The following ATG7 variants were observed in gnomAD, a reference collection of about 807,000 sequenced individuals.
ATG7 encodes the protein ubiquitin-like modifier-activating enzyme ATG7.
In ATG7, 70 loss-of-function variants were observed where a neutral mutation model predicts 82.4. The ratio of observed to expected loss-of-function variants is 0.85; its 90% CI spans 0.70 to 1.04. The LOEUF is 1.04. ATG7 is among the 50% of genes least tolerant of loss of function. The pLI, the probability that ATG7 is intolerant of heterozygous loss-of-function variation, is 0.00. For missense variants in ATG7, 792 were observed against 864.3 expected, an observed-to-expected ratio of 0.92 and a Z score of 1.05; for synonymous variants, 287 against 313.0, an observed-to-expected ratio of 0.92 and a Z score of 0.88.
intron 19 of ATG7, among the ~76,000 whole-genome samples, chr3:11,405,880 A>G (rs1053576279): frequency 6.6e-6 from 1 of 152,006 alleles, no homozygotes; most frequent in Non-Finnish European, 1.5e-5. Context: ...TGGCCTCCCA[A>G]AGTGCTAGGA....
At chr3:11,362,025 T>G (rs1356749701) in intron 16 of ATG7, among the ~76,000 whole-genome samples, 2 of 152,234 alleles carry the variant, frequency 1.3e-5, no homozygotes, top group African/African-American at 4.8e-5. Context: ...CATTCTCTTT[T>G]ATGGAGAAAG....
At chr3:11,499,848 C>T (rs1438339818) in intron 20 of ATG7, among the ~76,000 whole-genome samples, 4 of 152,112 alleles carry the variant, frequency 2.6e-5, no homozygotes, top group South Asian at 2.1e-4. Flanking sequence ...AGCCACAGTG[C>T]TAGCTGTTAC....
intron 19 of ATG7, among the ~76,000 whole-genome samples, chr3:11,426,270 T>G (rs1415574074): frequency 6.6e-6 from 1 of 152,244 alleles, no homozygotes; most frequent in Non-Finnish European, 1.5e-5. Flanking sequence ...TCAGTTTTCA[T>G]ATCAACTACT....
intron 9 of ATG7, among the ~76,000 whole-genome samples, chr3:11,330,975 A>G (rs1362162651): frequency 1.3e-5 from 2 of 152,162 alleles, no homozygotes; most frequent in Non-Finnish European, 2.9e-5. Flanking sequence ...AGCAATTTTC[A>G]CAGATTATAT....
At chr3:11,279,770 G>T (rs575724681) in intron 1 of ATG7, among the ~76,000 whole-genome samples, 12 of 152,292 alleles carry the variant, frequency 7.9e-5, no homozygotes, top group South Asian at 2.1e-4. Flanking sequence ...AGGAAACACT[G>T]TTGCCTCATC....
chr3:11,353,598 T>A (rs1399855245), intron 14 of ATG7, among the ~76,000 whole-genome samples: 1 of 152,148 alleles, frequency 6.6e-6, no homozygotes, highest in Non-Finnish European at 1.5e-5. Flanking sequence ...TGGAGGTGGA[T>A]CCCTCATGAA....
chr3:11,567,324 C>T, the ATG7 span, among the ~76,000 whole-genome samples: 30 of 152,188 alleles, frequency 2.0e-4, no homozygotes, highest in East Asian at 1.9e-4. Context: ...AGCCCTAAAC[C>T]GAGTATATTG....
intron 11 of ATG7, among the ~76,000 whole-genome samples, chr3:11,336,541 C>G (rs1315185486): frequency 6.6e-6 from 1 of 152,130 alleles, no homozygotes; most frequent in Non-Finnish European, 1.5e-5. Flanking sequence ...GTAAATACAA[C>G]TTCATAAAGA....
chr3:11,563,489 C>T, the ATG7 span, among the ~76,000 whole-genome samples: 3 of 152,230 alleles, frequency 2.0e-5, no homozygotes, highest in Non-Finnish European at 4.4e-5. Context: ...CTTCTCATGT[C>T]CATTTCCCCA....
intron 19 of ATG7, among the ~76,000 whole-genome samples, chr3:11,409,744 TG>T (rs1487545182): frequency 6.6e-6 from 1 of 151,532 alleles, no homozygotes; most frequent in Non-Finnish European, 1.5e-5. Context: ...AGTTATTTTT[TG>T]TGATGGGGTG....
rs1010927674 is a variant in ATG7, at chr3:11,477,037, T to C, written c.2079+50111T>C. On this transcript the variant is annotated intron_variant, in intron 20 of 20. Coordinates refer to ENST00000693202, the MANE Select transcript of ATG7 (RefSeq NM_001349232.2). Reference sequence around the variant, plus strand: ...GATGGCAGTCATTAAATGATTGTTATGCACAATGGGCACTTGATTATAATT... The same window carrying C: ...GATGGCAGTCATTAAATGATTGTTACGCACAATGGGCACTTGATTATAATT... 1.1e-5 allele frequency: 13 copies of C among 1,191,920 alleles called. No homozygotes were observed. The South Asian group carries it at 1.5e-4, about 14-fold the overall frequency. The allele number at this position is 1,191,920 out of a possible 1,614,324, so 73.8% of individuals were successfully genotyped here. A position where few individuals can be genotyped will look rare whatever the true frequency, so the allele number is the denominator to read the frequency against.
chr3:11,371,357 G>A (rs748957616), intron 18 of ATG7, among the ~76,000 whole-genome samples: 11 of 150,490 alleles, frequency 7.3e-5, no homozygotes, highest in Non-Finnish European at 1.0e-4. Flanking sequence ...GCGAGACAGC[G>A]AGTAAAGGGG....
intron 20 of ATG7, among the ~76,000 whole-genome samples, chr3:11,497,357 C>CTATATATATATGTATATATATATATA (rs1281826628): frequency 1.9e-4 from 11 of 57,320 alleles, no homozygotes; most frequent in African/African-American, 6.7e-4. Flanking sequence ...ACTAAAAATA[C>CTATATATATATGTATATATATATATA]TATATATATA....
chr3:11,434,018 A>G (rs2083147805), intron 20 of ATG7, among the ~76,000 whole-genome samples: 1 of 152,240 alleles, frequency 6.6e-6, no homozygotes, highest in South Asian at 2.1e-4. Flanking sequence ...CTCATAGCCA[A>G]AAAGTCATAT....
chr3:11,280,282 AT>A (rs1435131521), intron 1 of ATG7, among the ~76,000 whole-genome samples: 1 of 152,078 alleles, frequency 6.6e-6, no homozygotes, highest in African/African-American at 2.4e-5. Flanking sequence ...AAACAATATG[AT>A]ATTAGTCCTG....
At position 11,358,618 on chromosome 3, in the gene ATG7, C is replaced by G. The variant is rs1305660959; in HGVS notation, c.1479+6C>G. On this transcript the variant is annotated splice_donor_region_variant and intron_variant, in intron 15 of 20. Transcript: ENST00000693202. ...TTGCTGCAAGCAAGAGAAAGGTAGG[C>G]CCTGTCTCTAATTATGATTTATGAT... The G allele has an allele frequency of 6.2e-7, 1 of 1,611,110 alleles. No individual in the cohort carries two copies. The highest frequency in any genetic ancestry group is 1.7e-5 in the Admixed American group (1 of 59,848).
intron 3 of ATG7, among the ~76,000 whole-genome samples, chr3:11,286,583 C>CTTTTTTT (rs5846700): frequency 1.9e-4 from 13 of 66,952 alleles, no homozygotes; most frequent in African/African-American, 4.1e-4. Context: ...TTCTTTCTTT[C>CTTTTTTT]TTTTTTTTTT....
intron 20 of ATG7, among the ~76,000 whole-genome samples, chr3:11,542,945 G>C (rs537674650): frequency 6.6e-6 from 1 of 152,180 alleles, no homozygotes; most frequent in Non-Finnish European, 1.5e-5. Flanking sequence ...TTTGTAGGGG[G>C]AGTGGGGAGG....
chr3:11,546,232 C>T (rs929773513), intron 20 of ATG7, among the ~76,000 whole-genome samples: 1 of 121,742 alleles, frequency 8.2e-6, no homozygotes, highest in Non-Finnish European at 1.6e-5. Flanking sequence ...AGTGCAGTGG[C>T]GTAATCTCGG....
Sources: gnomAD v4.1 joint callset for allele counts (sites outside exome capture counted in the v4.1 genomes callset) on GRCh38, gnomAD v4.1.1 for gene constraint, MANE v1.5 for transcripts, NCBI Gene and HGNC (gene_info 2026-07-23, HGNC 2026-07-21) for gene names.